Variants in MYO3B observed in about 807,000 individuals in gnomAD.
MYO3B encodes myosin-IIIb.
A neutral mutation model predicts 174.6 loss-of-function variants in MYO3B; 156 were observed. The ratio of observed to expected loss-of-function variants is 0.89; its 90% CI spans 0.78 to 1.02. The LOEUF is 1.02. Ranked by LOEUF, MYO3B falls within the 50% of genes least tolerant of loss-of-function variation. The probability of loss-of-function intolerance (pLI) is 0.00; values close to 1 mark genes in which losing one functional copy is unlikely to be tolerated. For synonymous variants in MYO3B, 563 were observed against 569.1 expected (o/e 0.99, Z 0.15); for missense variants, 1,632 against 1,639.4 (o/e 1.00, Z 0.08).
chr2:170,527,345 T>C (rs1041091365), intron 30 of MYO3B, among the ~76,000 whole-genome samples: 3 of 152,248 alleles, frequency 2.0e-5, no homozygotes, highest in Non-Finnish European at 4.4e-5. Flanking sequence ...GGTCAAAAGA[T>C]GTAAACCCAT....
Position 170,449,811 on chromosome 2 carries a change from T to G in MYO3B, c.2730+5765T>G, listed in dbSNP as rs530835476. Reference sequence around the variant, plus strand: ...AAAAGAAAAGAAAAAGAAGAAGTTTTCTTGACTCTGAAAAACAAAAGGATT... The same window carrying G: ...AAAAGAAAAGAAAAAGAAGAAGTTTGCTTGACTCTGAAAAACAAAAGGATT... On this transcript the variant is annotated intron_variant, in intron 23 of 34. Transcript: ENST00000408978. 2.0e-5 allele frequency among the ~76,000 whole-genome samples: 3 copies of G among 152,116 alleles called. No individual in the cohort carries two copies. In the South Asian group the frequency reaches 6.2e-4, roughly 32 times the overall value.
intron 6 of MYO3B, among the ~76,000 whole-genome samples, chr2:170,227,880 C>A (rs899750252): frequency 2.0e-5 from 3 of 152,074 alleles, no homozygotes; most frequent in African/African-American, 4.8e-5. Context: ...TGGCCTTGAG[C>A]GCATATATCT....
rs1172621897 is a variant in MYO3B at position 170,654,009 on chromosome 2, A to G, written c.*888A>G. 2 of 152,334 alleles carry G rather than the reference A, an allele frequency of 1.3e-5. No individual in the cohort carries two copies. The highest frequency in any genetic ancestry group is 1.3e-4 in the Admixed American group (2 of 15,298). The allele number at this position is 152,334 out of a possible 1,614,324, so 9.4% of individuals were successfully genotyped here. On this transcript the variant is annotated 3_prime_UTR_variant, in exon 35 of 35. Transcript: ENST00000408978. Reference sequence around the variant, plus strand: ...CCTAGCACAGGGCTTGGTAGAGGGTATATCTAGTGAATGGAGAATACATGG... The same window carrying G: ...CCTAGCACAGGGCTTGGTAGAGGGTGTATCTAGTGAATGGAGAATACATGG...
intron 9 of MYO3B, among the ~76,000 whole-genome samples, chr2:170,375,904 T>A (rs2094289114): frequency 6.6e-6 from 1 of 152,220 alleles, no homozygotes; most frequent in Non-Finnish European, 1.5e-5. Flanking sequence ...TACCTTGCTA[T>A]AATTAGTATC....
At chr2:170,574,745 G>A (rs185227902) in intron 32 of MYO3B, among the ~76,000 whole-genome samples, 2 of 152,272 alleles carry the variant, frequency 1.3e-5, no homozygotes, top group Non-Finnish European at 2.9e-5. Flanking sequence ...CACAGTGATT[G>A]TGCCTTAACA....
At chr2:170,272,983 G>A (rs954095768) in intron 7 of MYO3B, among the ~76,000 whole-genome samples, 1 of 152,168 alleles carries the variant, frequency 6.6e-6, no homozygotes, top group African/African-American at 2.4e-5. Flanking sequence ...TTATGGGAAG[G>A]AGTATTGGGT....
chr2:170,578,704 T>A (rs1006274700), intron 32 of MYO3B, among the ~76,000 whole-genome samples: 3 of 152,236 alleles, frequency 2.0e-5, no homozygotes, highest in Admixed American at 6.5e-5. Context: ...GCTAAAAAAA[T>A]ATTTCCGATG....
intron 8 of MYO3B, among the ~76,000 whole-genome samples, chr2:170,353,514 C>A (rs570495688): frequency 6.6e-6 from 1 of 152,130 alleles, no homozygotes; most frequent in African/African-American, 2.4e-5. Context: ...TTTGCCCAAA[C>A]CTATAGAATG....
chr2:170,425,979 G>A (rs1404039969), intron 22 of MYO3B, among the ~76,000 whole-genome samples: 2 of 151,942 alleles, frequency 1.3e-5, no homozygotes, highest in Non-Finnish European at 2.9e-5. Flanking sequence ...CTCAAAAAAT[G>A]TTAGTATTTA....
intron 10 of MYO3B, chr2:170,382,781 G>T: frequency 4.6e-6 from 1 of 218,084 alleles, no homozygotes; most frequent in Non-Finnish European, 8.6e-6. Flanking sequence ...GACTGGTTGA[G>T]ATGAGTTTTT....
intron 3 of MYO3B, among the ~76,000 whole-genome samples, chr2:170,213,772 G>A (rs2032963): frequency 0.39 from 59,436 of 152,032 alleles, 11,598 homozygotes; most frequent in East Asian, 0.46. Flanking sequence ...AAGTTGCTGA[G>A]AGCCTAAAAT....
intron 8 of MYO3B, among the ~76,000 whole-genome samples, chr2:170,356,970 A>G (rs558199158): frequency 1.1e-4 from 16 of 151,816 alleles, no homozygotes; most frequent in African/African-American, 3.4e-4. Flanking sequence ...TTTGGTAGAG[A>G]CAGGGTCTCC....
At chr2:170,367,597 A>G (rs76206504) in intron 8 of MYO3B, among the ~76,000 whole-genome samples, 1 of 152,272 alleles carries the variant, frequency 6.6e-6, no homozygotes, top group East Asian at 1.9e-4. Flanking sequence ...CACCTATGTT[A>G]CTGACAGTAT....
At chr2:170,181,691 C>T (rs1432185247) in intron 1 of MYO3B, among the ~76,000 whole-genome samples, 2 of 151,950 alleles carry the variant, frequency 1.3e-5, no homozygotes, top group South Asian at 2.1e-4. Context: ...CTGCATCGAT[C>T]GAGATGATGG....
At chr2:170,427,460 T>C (rs367627078) in intron 22 of MYO3B, among the ~76,000 whole-genome samples, 17 of 152,210 alleles carry the variant, frequency 1.1e-4, no homozygotes, top group Admixed American at 7.9e-4. Flanking sequence ...ATGAAACATA[T>C]AAATTTCAAT....
intron 1 of MYO3B, among the ~76,000 whole-genome samples, chr2:170,179,495 C>T (rs1435769172): frequency 2.6e-5 from 4 of 152,166 alleles, no homozygotes; most frequent in South Asian, 2.1e-4. Flanking sequence ...GTCATGAGGG[C>T]TCTGCCCTTA....
At chr2:170,514,891 T>C (rs375813634) in intron 28 of MYO3B, 30 bp from the exon 29 acceptor site, 1 of 1,601,192 alleles carries the variant, frequency 6.2e-7, no homozygotes. Context: ...GAGCATAACC[T>C]TGAGAAAGTC....
At chr2:170,178,721 C>A (rs1027537969) in intron 1 of MYO3B, among the ~76,000 whole-genome samples, 6 of 152,250 alleles carry the variant, frequency 3.9e-5, no homozygotes, top group African/African-American at 1.4e-4. Flanking sequence ...CAGTAATTTG[C>A]AGATGTTTTT....
At chr2:170,606,768 C>T (rs1351236352) in intron 32 of MYO3B, among the ~76,000 whole-genome samples, 2 of 152,184 alleles carry the variant, frequency 1.3e-5, no homozygotes, top group Non-Finnish European at 2.9e-5. Context: ...CACCTGTAAT[C>T]CCAGCACTTT....
Sources: gnomAD v4.1 joint callset for allele counts (sites outside exome capture counted in the v4.1 genomes callset) on GRCh38, gnomAD v4.1.1 for gene constraint, MANE v1.5 for transcripts, NCBI Gene and HGNC (gene_info 2026-07-23, HGNC 2026-07-21) for gene names.